Variants in PRKN observed in about 807,000 individuals in gnomAD.
PRKN encodes the protein parkin RBR E3 ubiquitin protein ligase.
In PRKN, 56 loss-of-function variants were observed where a neutral mutation model predicts 59.5. The ratio of observed to expected loss-of-function variants is 0.94; its 90% CI spans 0.76 to 1.18. PRKN has a LOEUF of 1.18. Ranked by LOEUF, PRKN falls within the 50% of genes most tolerant of loss-of-function variation. The pLI is 0.00. For synonymous variants in PRKN, 250 were observed against 222.1 expected, an observed-to-expected ratio of 1.13 and a Z score of -1.12; for missense variants, 657 against 596.4, an observed-to-expected ratio of 1.10 and a Z score of -1.06.
intron 2 of PRKN, among the ~76,000 whole-genome samples, chr6:162,417,837 A>T (rs1788717629): frequency 1.3e-5 from 2 of 152,238 alleles, no homozygotes; most frequent in Non-Finnish European, 2.9e-5. Flanking sequence ...GAACGTGATC[A>T]TCACATTTCT....
chr6:161,625,305 T>C (rs1783044810), intron 7 of PRKN, among the ~76,000 whole-genome samples: 1 of 144,276 alleles, frequency 6.9e-6, no homozygotes, highest in African/African-American at 2.6e-5. Context: ...CAGCAAACTA[T>C]CACAAGGACA....
intron 4 of PRKN, among the ~76,000 whole-genome samples, chr6:162,083,927 A>T (rs1049785948): frequency 4.1e-4 from 63 of 152,100 alleles, no homozygotes; most frequent in African/African-American, 1.5e-3. Flanking sequence ...CAAAGATTTA[A>T]TGTTAAGAAG....
At chr6:162,010,059 C>A (rs1011831638) in intron 5 of PRKN, among the ~76,000 whole-genome samples, 6 of 151,038 alleles carry the variant, frequency 4.0e-5, no homozygotes, top group African/African-American at 1.5e-4. Context: ...AAACAACAAT[C>A]TTTTAGAGGA....
rs1779960732 is a variant in PRKN, at chr6:161,550,438, G to A, written c.934-1435C>T. Among the ~76,000 whole-genome samples the A allele has an allele frequency of 2.0e-5, 3 of 152,194 alleles. No homozygotes were observed. The South Asian group carries it at 6.2e-4, about 32-fold the overall frequency. ...CTCTGGAGGGCCAGGGTGTAGGCAG[G>A]AAGCAGAGAAGCTTATGTCAACATC... On this transcript the variant is annotated intron_variant, in intron 8 of 11. Coordinates refer to ENST00000366898, the MANE Select transcript of PRKN (RefSeq NM_004562.3). This position sits in a 1 kb window ranked among gnomAD's most constrained non-coding sequence, Gnocchi z 4.0.
At chr6:162,420,031 C>T (rs1433377937) in intron 2 of PRKN, among the ~76,000 whole-genome samples, 2 of 152,104 alleles carry the variant, frequency 1.3e-5, no homozygotes, top group African/African-American at 4.8e-5. Flanking sequence ...CAGGATGATT[C>T]AAGCGCATTA....
At position 162,628,283 on chromosome 6, in the gene PRKN, C is replaced by A. The variant is rs189926225; in HGVS notation, c.7+99379G>T. On this transcript the variant is annotated intron_variant, in intron 1 of 11. Transcript: ENST00000366898. ...GGGAACTTAAACATAACTGTATGAC[C>A]TAAAGATGGATCCAGTTAAGAAATC... Among the ~76,000 whole-genome samples, 39 of 152,098 alleles carry A rather than the reference C, an allele frequency of 2.6e-4. 1 individual carries two copies. The highest frequency in any genetic ancestry group is 3.4e-3 in the Middle Eastern group (1 of 292).
intron 6 of PRKN, among the ~76,000 whole-genome samples, chr6:161,866,267 A>G (rs1794106599): frequency 6.6e-6 from 1 of 152,098 alleles, no homozygotes; most frequent in Admixed American, 6.5e-5. Context: ...TGAAAAAGTT[A>G]AATATTGTGA....
Position 161,834,255 on chromosome 6 carries a change from C to A in PRKN, c.735-48347G>T, listed in dbSNP as rs190161282. Among the ~76,000 whole-genome samples, 11 of 152,138 alleles carry A rather than the reference C, an allele frequency of 7.2e-5. No individual in the cohort carries two copies. The East Asian group carries it at 7.7e-4, about 11-fold the overall frequency. ...TCCAAACACTTCTCCCTTAGTCGGT[C>A]TACACAGCCAAATAATCCCCCTCCA... On this transcript the variant is annotated intron_variant, in intron 6 of 11. Transcript: ENST00000366898.
chr6:162,127,217 G>A (rs546457845), intron 4 of PRKN, among the ~76,000 whole-genome samples: 1 of 152,330 alleles, frequency 6.6e-6, no homozygotes, highest in African/African-American at 2.4e-5. Context: ...GGCAAGGCAC[G>A]CTGCCGCTGT....
rs146639562 is a variant in PRKN at position 161,379,638 on chromosome 6, C to T, written c.1167+7156G>A. ...TCACCCAAAGCCTTTCTTCCTTCTG[C>T]GGGAAGCCCACATCGAAAACCTGGT... On this transcript the variant is annotated intron_variant, in intron 10 of 11. Transcript: ENST00000366898. This position sits in a 1 kb window ranked among gnomAD's most constrained non-coding sequence, Gnocchi z 4.9. Among the ~76,000 whole-genome samples, 157 of 152,274 alleles carry T rather than the reference C, an allele frequency of 1.0e-3. 1 individual carries two copies. Among genetic ancestry groups the T allele is most frequent in the African/African-American group, 3.4e-3 (143 of 41,556 alleles).
intron 7 of PRKN, among the ~76,000 whole-genome samples, chr6:161,703,704 G>C (rs1399384964): frequency 3.3e-5 from 5 of 151,904 alleles, no homozygotes; most frequent in Middle Eastern, 3.4e-3. Context: ...CTCAATCCTA[G>C]GTACTTTATC....
intron 2 of PRKN, among the ~76,000 whole-genome samples, chr6:162,339,743 C>T (rs1384142431): frequency 1.3e-5 from 2 of 151,944 alleles, no homozygotes; most frequent in African/African-American, 2.4e-5. Context: ...GTTGCCGTGT[C>T]TGTGTAGAAA....
chr6:161,921,029 A>G (rs889227755), intron 6 of PRKN, among the ~76,000 whole-genome samples: 1 of 152,200 alleles, frequency 6.6e-6, no homozygotes, highest in Non-Finnish European at 1.5e-5. Context: ...ACACTTCTTA[A>G]TTTTTAAAAC....
intron 1 of PRKN, among the ~76,000 whole-genome samples, chr6:162,657,878 GA>G (rs1411335826): frequency 5.3e-5 from 8 of 152,160 alleles, no homozygotes; most frequent in Non-Finnish European, 4.4e-5. Context: ...AGGCTTGTTG[GA>G]GGCTTGTTTC....
chr6:162,674,047 G>A lies in PRKN; in HGVS notation c.7+53615C>T, dbSNP rs145167632. Among the ~76,000 whole-genome samples the A allele has an allele frequency of 5.0e-4, 76 of 152,266 alleles. 1 individual carries two copies. Among genetic ancestry groups the A allele is most frequent in the African/African-American group, 1.6e-3 (68 of 41,534 alleles). Reference sequence around the variant, plus strand: ...TTCTGAGATTGACACCAGCCAATCCGTGCACAGTGCTAGTTGCATGGTGTC... The same window carrying A: ...TTCTGAGATTGACACCAGCCAATCCATGCACAGTGCTAGTTGCATGGTGTC... On this transcript the variant is annotated intron_variant, in intron 1 of 11. Coordinates refer to ENST00000366898, the MANE Select transcript of PRKN (RefSeq NM_004562.3).
At chr6:162,224,531 A>G (rs544756355) in intron 3 of PRKN, among the ~76,000 whole-genome samples, 1 of 152,300 alleles carries the variant, frequency 6.6e-6, no homozygotes, top group African/African-American at 2.4e-5. Context: ...GACTGAATTT[A>G]CATCCACTAA....
chr6:162,627,559 T>G (rs1337857114), intron 1 of PRKN, among the ~76,000 whole-genome samples: 2 of 152,022 alleles, frequency 1.3e-5, no homozygotes. Flanking sequence ...CGAGGGAGAC[T>G]GGTGACCAAG....
chr6:161,968,674 C>T (rs2128250563), intron 6 of PRKN, among the ~76,000 whole-genome samples: 1 of 152,120 alleles, frequency 6.6e-6, no homozygotes, highest in African/African-American at 2.4e-5. Context: ...CATATATATA[C>T]ACATAAGTAA....
At chr6:162,493,221 C>A (rs918703595) in intron 1 of PRKN, among the ~76,000 whole-genome samples, 1 of 152,078 alleles carries the variant, frequency 6.6e-6, no homozygotes, top group East Asian at 1.9e-4. Context: ...AAGAGAGAGG[C>A]AATTTAAAAT....
Sources: allele counts gnomAD v4.1 joint callset (sites outside exome capture counted in the v4.1 genomes callset), GRCh38; gene constraint gnomAD v4.1.1; non-coding constraint Gnocchi (gnomAD v3.1); transcripts MANE v1.5; gene names NCBI Gene and HGNC (gene_info 2026-07-23, HGNC 2026-07-21).